The following GABARAPL2 variants were observed in gnomAD, a reference collection of about 807,000 sequenced individuals.
GABARAPL2 encodes gamma-aminobutyric acid receptor-associated protein-like 2.
GABARAPL2 carries 11 observed loss-of-function variants against 16.9 expected under a neutral mutation model. That is an observed-to-expected ratio of 0.65 (90% CI 0.41 to 1.08). GABARAPL2 has a LOEUF of 1.08. GABARAPL2 is among the 50% of genes least tolerant of loss of function. The pLI is 0.00. For synonymous variants in GABARAPL2, 57 were observed against 50.7 expected (o/e 1.12, Z -0.53); for missense variants, 134 against 142.5 (o/e 0.94, Z 0.30).
intron 3 of GABARAPL2, among the ~76,000 whole-genome samples, chr16:75,575,157 G>A (rs2080940242): frequency 2.0e-5 from 3 of 152,162 alleles, no homozygotes; most frequent in Admixed American, 2.0e-4. Context: ...ACCCACGGCT[G>A]CAGGCGTTGT....
At chr16:75,571,243 G>C (rs2080912414) in intron 3 of GABARAPL2, among the ~76,000 whole-genome samples, 1 of 152,100 alleles carries the variant, frequency 6.6e-6, no homozygotes. Context: ...CTCCTGCTTT[G>C]GCCTCCCAGA....
At chr16:75,576,564 A>C (rs2080950878) in intron 3 of GABARAPL2, 2 of 152,274 alleles carry the variant, frequency 1.3e-5, no homozygotes, top group Admixed American at 1.3e-4. Flanking sequence ...CTCAGAGAGT[A>C]CAGTCACGGG....
At chr16:75,573,027 T>G (rs911571326) in intron 3 of GABARAPL2, among the ~76,000 whole-genome samples, 5 of 152,244 alleles carry the variant, frequency 3.3e-5, no homozygotes, top group Non-Finnish European at 7.3e-5. Flanking sequence ...GCTGGATAGA[T>G]GCATTAGAGC....
intron 3 of GABARAPL2, among the ~76,000 whole-genome samples, chr16:75,570,531 C>G (rs547004679): frequency 2.0e-5 from 3 of 152,076 alleles, no homozygotes; most frequent in African/African-American, 7.2e-5. Flanking sequence ...AGAGAAGGGA[C>G]GAATTCAGGC....
At chr16:75,571,661 A>T (rs2080915174) in intron 3 of GABARAPL2, among the ~76,000 whole-genome samples, 2 of 150,800 alleles carry the variant, frequency 1.3e-5, no homozygotes, top group Admixed American at 6.6e-5. Flanking sequence ...ATACCTCTTT[A>T]AGGACAGGAC....
At position 75,568,170 on chromosome 16, in the gene GABARAPL2, C is replaced by G. The variant is rs928106556; in HGVS notation, c.224C>G (p.Ala75Gly). 1.9e-6 allele frequency: 3 copies of G among 1,612,562 alleles called. No individual in the cohort carries two copies. Among genetic ancestry groups the G allele is most frequent in the South Asian group, 1.1e-5 (1 of 91,030 alleles). Residue 75 changes from alanine to glycine, a missense_variant, in exon 3 of 4, where the codon GCG (alanine) becomes GGG (glycine). Physicochemically the swap from Ala to Gly is moderately conservative, Grantham distance 60. Transcript: ENST00000037243. ...AGGATCCAGCTTCCTTCTGAAAAGG[C>G]GATCTTCCTGTTTGTGGATAAGACA... ...RKRIQLPSEK[A>G]IFLFVDKTVP... is the part of the protein sequence containing the mutation.
chr16:75,575,481 G>T (rs1407207121), intron 3 of GABARAPL2: 1 of 151,792 alleles, frequency 6.6e-6, no homozygotes, highest in Non-Finnish European at 1.5e-5. Flanking sequence ...ACAGAGTCTC[G>T]CTCTGTCGCC....
chr16:75,577,358 T>A lies in GABARAPL2; in HGVS notation c.343T>A (p.Phe115Ile). 1.9e-6 allele frequency: 3 copies of A among 1,607,044 alleles called. No individual in the cohort carries two copies. The highest frequency in any genetic ancestry group is 2.6e-6 in the Non-Finnish European group (3 of 1,173,534). ...TGTGGCCTACAGCGGAGAGAACACT[T>A]TTGGCTTCTGAGGGCCATTGCTGGG... is the stretch of plus-strand genomic sequence containing the variant. ...LYVAYSGENT[F>I]GF is the part of the protein sequence containing the mutation. Residue 115 changes from phenylalanine to isoleucine, a missense_variant, in exon 4 of 4, where the codon TTT (phenylalanine) becomes ATT (isoleucine). By Grantham distance (21) the Phe-to-Ile change is conservative. Transcript: ENST00000037243.
intron 3 of GABARAPL2, among the ~76,000 whole-genome samples, chr16:75,568,836 A>G (rs1166186197): frequency 2.0e-5 from 3 of 152,162 alleles, no homozygotes; most frequent in Admixed American, 6.5e-5. Flanking sequence ...AGGCATTAGA[A>G]TTCCCGTTTT....
chr16:75,570,475 AC>A (rs1156834863), intron 3 of GABARAPL2, among the ~76,000 whole-genome samples: 1 of 152,060 alleles, frequency 6.6e-6, no homozygotes, highest in Non-Finnish European at 1.5e-5. Context: ...GCCTCCCTTA[AC>A]CTTCATGCAG....
chr16:75,569,408 T>G (rs2080902259), intron 3 of GABARAPL2, among the ~76,000 whole-genome samples: 2 of 152,218 alleles, frequency 1.3e-5, no homozygotes, highest in African/African-American at 4.8e-5. Context: ...GAGGAGATCT[T>G]GTCACCCATG....
At chr16:75,574,264 G>A (rs2080933856) in intron 3 of GABARAPL2, among the ~76,000 whole-genome samples, 1 of 152,154 alleles carries the variant, frequency 6.6e-6, no homozygotes, top group Non-Finnish European at 1.5e-5. Flanking sequence ...ATGTAGCAGC[G>A]GGATTTAGAA....
In GABARAPL2 at chr16:75,577,008, A is replaced by C. The variant is rs188091292; in HGVS notation, c.264-271A>C. 226 of 327,716 alleles carry C rather than the reference A, an allele frequency of 6.9e-4. 1 individual carries two copies. Among genetic ancestry groups the C allele is most frequent in the South Asian group, 1.3e-3 (31 of 23,230 alleles). 20.3% of individuals were successfully genotyped at this position (327,716 alleles called of 1,614,324 possible). On this transcript the variant is annotated intron_variant, in intron 3 of 3. Transcript: ENST00000037243. ...TCTTCCCTTGTCCTTGGCATTTAAG[A>C]GGCATCCATGTGTTAGCCAGCCAAA...
At chr16:75,572,677 G>A (rs969142992) in intron 3 of GABARAPL2, 9 of 152,208 alleles carry the variant, frequency 5.9e-5, no homozygotes, top group African/African-American at 2.2e-4. Flanking sequence ...GTTGGGGAGA[G>A]GGCTTTAGGG....
At chr16:75,567,791 G>T (rs1333004265) in intron 2 of GABARAPL2, among the ~76,000 whole-genome samples, 1 of 152,206 alleles carries the variant, frequency 6.6e-6, no homozygotes, top group Admixed American at 6.5e-5. Context: ...GAAAAGCTTA[G>T]TGGTAAGGGC....
intron 1 of GABARAPL2, 45 bp downstream of exon 1, chr16:75,566,565 G>A (rs1217775719): frequency 6.3e-7 from 1 of 1,598,178 alleles, no homozygotes. Flanking sequence ...CTGGGGCGGC[G>A]GGTGGGCCCC....
intron 3 of GABARAPL2, among the ~76,000 whole-genome samples, chr16:75,574,993 C>T (rs1347212768): frequency 6.6e-6 from 1 of 152,128 alleles, no homozygotes; most frequent in Admixed American, 6.6e-5. Flanking sequence ...GATCCTGCTA[C>T]TGTACTCCAG....
At position 75,577,321 on chromosome 16, in the gene GABARAPL2, T is replaced by C; in HGVS notation, c.306T>C (p.Asp102=). 1.2e-6 allele frequency: 2 copies of C among 1,613,144 alleles called. No homozygotes were observed. The highest frequency in any genetic ancestry group is 1.7e-6 in the Non-Finnish European group (2 of 1,179,072). ...TTTACGAGAAGGAAAAAGATGAAGA[T>C]GGATTCTTATATGTGGCCTACAGCG... ...GQLYEKEKDE[D]GFLYVAYSGE... Residue 102 remains aspartate, a synonymous_variant, in exon 4 of 4, where the codon GAT becomes GAC. Coordinates refer to ENST00000037243, the MANE Select transcript of GABARAPL2 (RefSeq NM_007285.7).
intron 3 of GABARAPL2, among the ~76,000 whole-genome samples, chr16:75,574,631 C>G (rs1351555425): frequency 6.6e-6 from 1 of 152,074 alleles, no homozygotes; most frequent in Non-Finnish European, 1.5e-5. Context: ...TAGTTTCTGG[C>G]TTGTCATTTC....
Sources: allele counts gnomAD v4.1 joint callset (sites outside exome capture counted in the v4.1 genomes callset), GRCh38; gene constraint gnomAD v4.1.1; transcripts MANE v1.5; gene names NCBI Gene and HGNC (gene_info 2026-07-23, HGNC 2026-07-21).